Variants in KRABD5 observed in about 807,000 individuals in gnomAD.
KRABD5 encodes KRAB domain containing 5, also known as KRAB domain-containing protein 5.
the KRABD5 span, among the ~76,000 whole-genome samples, chr16:31,751,721 T>G: frequency 6.6e-6 from 1 of 152,204 alleles, no homozygotes; most frequent in Non-Finnish European, 1.5e-5. Flanking sequence ...GAACCAACTT[T>G]TGGTTTTGCT....
the KRABD5 span, among the ~76,000 whole-genome samples, chr16:31,742,469 C>T: frequency 3.3e-5 from 5 of 152,146 alleles, no homozygotes; most frequent in East Asian, 9.6e-4. Context: ...GCTTCATTCA[C>T]GTCCCTGCAA....
At chr16:31,757,879 T>C in the KRABD5 span, 4 of 151,984 alleles carry the variant, frequency 2.6e-5, no homozygotes, top group South Asian at 6.2e-4. Flanking sequence ...GATAGATAGA[T>C]AGATAGATAG....
At chr16:31,741,031 G>A in the KRABD5 span, among the ~76,000 whole-genome samples, 2,636 of 152,150 alleles carry the variant, frequency 0.017, 76 homozygotes, top group African/African-American at 0.06. Flanking sequence ...ATGTCCATAT[G>A]TACCTAATGT....
At chr16:31,733,405 T>C in the KRABD5 span, 2 of 418,048 alleles carry the variant, frequency 4.8e-6, no homozygotes, top group Admixed American at 5.4e-5. Flanking sequence ...TTTTTAATGG[T>C]GAAAACATAA....
At chr16:31,722,836 C>G in the KRABD5 span, 13 of 1,411,646 alleles carry the variant, frequency 9.2e-6, no homozygotes, top group South Asian at 1.8e-4. Context: ...CACTTGGGAG[C>G]TTATGCTTTA....
At chr16:31,723,355 T>TA in the KRABD5 span, 8 of 1,610,518 alleles carry the variant, frequency 5.0e-6, no homozygotes, top group Middle Eastern at 3.3e-4. Flanking sequence ...TCCAGCCAGG[T>TA]AGGTGGGAGT....
At chr16:31,713,474 G>GGGGCGGCGGAA in the KRABD5 span, 1 of 1,592,616 alleles carries the variant, frequency 6.3e-7, no homozygotes, top group African/African-American at 1.3e-5. Context: ...AAGAGGGAGA[G>GGGGCGGCGGAA]GGGCGGTCGG....
At chr16:31,744,548 A>C in the KRABD5 span, among the ~76,000 whole-genome samples, 16 of 152,192 alleles carry the variant, frequency 1.1e-4, no homozygotes, top group African/African-American at 3.6e-4. Flanking sequence ...GAGGGTTTTC[A>C]CATCAATGTT....
At chr16:31,724,770 A>C in the KRABD5 span, among the ~76,000 whole-genome samples, 34 of 152,142 alleles carry the variant, frequency 2.2e-4, no homozygotes, top group African/African-American at 7.9e-4. Flanking sequence ...AACTATATTC[A>C]TAATGCTTTA....
chr16:31,731,188 A>G, the KRABD5 span, among the ~76,000 whole-genome samples: 2 of 152,218 alleles, frequency 1.3e-5, no homozygotes, highest in African/African-American at 4.8e-5. Flanking sequence ...GTTTTGGGAA[A>G]TAAATACTTT....
At chr16:31,714,908 G>A in the KRABD5 span, among the ~76,000 whole-genome samples, 3 of 152,170 alleles carry the variant, frequency 2.0e-5, no homozygotes, top group Non-Finnish European at 4.4e-5. Context: ...TCTGGATATA[G>A]GTAAGAAGTG....
chr16:31,733,016 G>T, the KRABD5 span, among the ~76,000 whole-genome samples: 1 of 151,682 alleles, frequency 6.6e-6, no homozygotes, highest in Non-Finnish European at 1.5e-5. Context: ...TTTTTTTTCA[G>T]ATAGGTTTCC....
chr16:31,722,553 T>C, the KRABD5 span: 1 of 1,568,054 alleles, frequency 6.4e-7, no homozygotes, highest in Non-Finnish European at 8.6e-7. Flanking sequence ...GCTCTCTTAT[T>C]TCATCTTGGT....
At chr16:31,750,975 G>A in the KRABD5 span, among the ~76,000 whole-genome samples, 2 of 152,180 alleles carry the variant, frequency 1.3e-5, no homozygotes, top group African/African-American at 2.4e-5. Context: ...GGCCAAGCTG[G>A]TCTCGAACTC....
At chr16:31,723,439 G>A in the KRABD5 span, 2 of 1,342,658 alleles carry the variant, frequency 1.5e-6, no homozygotes, top group African/African-American at 1.5e-5. Flanking sequence ...GGATTGGGAA[G>A]TTCTCCAGTG....
chr16:31,752,418 G>C, the KRABD5 span, among the ~76,000 whole-genome samples: 2 of 152,046 alleles, frequency 1.3e-5, no homozygotes, highest in African/African-American at 4.8e-5. Context: ...CTTTTCTCAG[G>C]ACTAGAAGCA....
chr16:31,734,647 G>C, the KRABD5 span, among the ~76,000 whole-genome samples: 1 of 152,022 alleles, frequency 6.6e-6, no homozygotes, highest in Non-Finnish European at 1.5e-5. Flanking sequence ...CTGTGTAATT[G>C]TAACTTTATA....
At chr16:31,719,764 C>T in the KRABD5 span, among the ~76,000 whole-genome samples, 1 of 152,194 alleles carries the variant, frequency 6.6e-6, no homozygotes, top group East Asian at 1.9e-4. Context: ...GAGCAAAGGA[C>T]AATATGGGGG....
chr16:31,722,857 T>C, the KRABD5 span: 8 of 1,283,432 alleles, frequency 6.2e-6, no homozygotes, highest in Non-Finnish European at 8.2e-6. Context: ...TATGAATGAA[T>C]TCAGATTCCT....
Sources: gnomAD v4.1 joint callset for allele counts (sites outside exome capture counted in the v4.1 genomes callset) on GRCh38, gnomAD v4.1.1 for gene constraint, MANE v1.5 for transcripts, NCBI Gene and HGNC (gene_info 2026-07-23, HGNC 2026-07-21) for gene names.